The following SLC35F3 variants were observed in gnomAD, a reference collection of about 807,000 sequenced individuals.
The protein encoded by SLC35F3 is solute carrier family 35 member F3.
A neutral mutation model predicts 49.9 loss-of-function variants in SLC35F3; 25 were observed. The observed-to-expected ratio is 0.50, with a 90% CI of 0.37 to 0.70. The LOEUF is 0.70. Ranked by LOEUF, SLC35F3 falls within the 30% of genes least tolerant of loss-of-function variation. The pLI is 0.00. For missense variants in SLC35F3, 525 were observed against 639.8 expected (o/e 0.82, Z 1.94); for synonymous variants, 275 against 265.4 (o/e 1.04, Z -0.35).
intron 2 of SLC35F3, among the ~76,000 whole-genome samples, chr1:234,118,429 C>G (rs560177017): frequency 6.6e-5 from 10 of 152,288 alleles, no homozygotes; most frequent in Middle Eastern, 3.4e-3. Context: ...GGTCAGCAAA[C>G]TTTGGCTGGA....
intron 2 of SLC35F3, among the ~76,000 whole-genome samples, chr1:233,919,486 T>A (rs1571979085): frequency 6.6e-6 from 1 of 152,334 alleles, no homozygotes; most frequent in Non-Finnish European, 1.5e-5. Flanking sequence ...GATTTAGACT[T>A]CTGGTTCATT....
intron 3 of SLC35F3, among the ~76,000 whole-genome samples, chr1:234,232,518 T>TC: frequency 1.5e-4 from 1 of 6,734 alleles, no homozygotes; most frequent in East Asian, 7.8e-4. Flanking sequence ...TCAGGCCTAG[T>TC]CAAAAAAAAA....
intron 2 of SLC35F3, among the ~76,000 whole-genome samples, chr1:234,020,458 A>G (rs987240287): frequency 1.2e-4 from 18 of 152,282 alleles, no homozygotes; most frequent in Non-Finnish European, 4.4e-5. Flanking sequence ...ATATGCAGGA[A>G]ACACACTACC....
intron 2 of SLC35F3, among the ~76,000 whole-genome samples, chr1:234,169,102 T>C (rs572858217): frequency 1.3e-5 from 2 of 152,194 alleles, no homozygotes; most frequent in South Asian, 2.1e-4. Context: ...CAGTGGCTAA[T>C]GCCAGAAGAA....
intron 2 of SLC35F3, among the ~76,000 whole-genome samples, chr1:233,951,356 C>T (rs1235843230): frequency 2.6e-5 from 4 of 151,922 alleles, no homozygotes; most frequent in South Asian, 2.1e-4. Context: ...TAGGCCTTCA[C>T]GTTCACCCAC....
chr1:233,929,422 G>A (rs1348154605), intron 2 of SLC35F3, among the ~76,000 whole-genome samples: 1 of 152,174 alleles, frequency 6.6e-6, no homozygotes, highest in Non-Finnish European at 1.5e-5. Context: ...GAGAAAAGCA[G>A]CCTAATCTGA....
At chr1:233,925,101 T>C (rs1389932469) in intron 2 of SLC35F3, among the ~76,000 whole-genome samples, 4 of 152,228 alleles carry the variant, frequency 2.6e-5, no homozygotes, top group Admixed American at 6.5e-5. Flanking sequence ...GAGAAGAATG[T>C]ATATTCTGTT....
intron 2 of SLC35F3, among the ~76,000 whole-genome samples, chr1:233,975,415 C>T (rs924820300): frequency 4.6e-5 from 7 of 152,248 alleles, no homozygotes; most frequent in East Asian, 3.8e-4. Context: ...GCCATAACTG[C>T]GGAATACCTT....
At chr1:233,995,869 G>T (rs1039742065) in intron 2 of SLC35F3, among the ~76,000 whole-genome samples, 5 of 152,212 alleles carry the variant, frequency 3.3e-5, no homozygotes, top group African/African-American at 1.2e-4. Context: ...GCAGCCTCTT[G>T]GTTAACCCCC....
At chr1:234,091,915 T>C (rs1665049317) in intron 2 of SLC35F3, among the ~76,000 whole-genome samples, 1 of 152,224 alleles carries the variant, frequency 6.6e-6, no homozygotes, top group African/African-American at 2.4e-5. Context: ...TCACGCTACC[T>C]GCTTGGAGGC....
intron 3 of SLC35F3, among the ~76,000 whole-genome samples, chr1:234,288,367 T>G: frequency 6.6e-6 from 1 of 152,228 alleles, no homozygotes; most frequent in East Asian, 1.9e-4. Flanking sequence ...ATATAAATCA[T>G]TATGCATTTA....
chr1:234,048,806 A>C (rs1393790515), intron 2 of SLC35F3, among the ~76,000 whole-genome samples: 1 of 152,216 alleles, frequency 6.6e-6, no homozygotes, highest in African/African-American at 2.4e-5. Context: ...CATTGAGCCA[A>C]AGAGGATTGT....
intron 2 of SLC35F3, among the ~76,000 whole-genome samples, chr1:234,020,618 C>G (rs1663877092): frequency 6.6e-6 from 1 of 151,952 alleles, no homozygotes; most frequent in African/African-American, 2.4e-5. Flanking sequence ...AAGTTTGGTC[C>G]TTCTATTTCA....
chr1:234,114,819 T>C (rs1028511935), intron 2 of SLC35F3, among the ~76,000 whole-genome samples: 8 of 152,010 alleles, frequency 5.3e-5, no homozygotes, highest in Non-Finnish European at 1.0e-4. Context: ...GCTTCCTTTA[T>C]TTCAAAACAG....
At chr1:234,122,759 T>C (rs548319052) in intron 2 of SLC35F3, among the ~76,000 whole-genome samples, 1 of 152,354 alleles carries the variant, frequency 6.6e-6, no homozygotes, top group Non-Finnish European at 1.5e-5. Flanking sequence ...AATGATGGCT[T>C]GCAGCTTCAT....
chr1:234,285,922 C>T (rs1645619454), intron 3 of SLC35F3, among the ~76,000 whole-genome samples: 1 of 152,144 alleles, frequency 6.6e-6, no homozygotes, highest in African/African-American at 2.4e-5. Flanking sequence ...ATGTGTGTCC[C>T]TTATCTCAGT....
chr1:234,178,535 C>A lies in SLC35F3; in HGVS notation c.284-52882C>A, dbSNP rs554496668. ...CTAAGCAGAAAGTTCCCATATAACC[C>A]CTTGCTCCCATACCCGCACAGCCTG... On this transcript the variant is annotated intron_variant, in intron 2 of 7. Coordinates refer to ENST00000366618, the MANE Select transcript of SLC35F3 (RefSeq NM_173508.4). Among the ~76,000 whole-genome samples, 14 of 152,220 alleles carry A rather than the reference C, an allele frequency of 9.2e-5. No individual in the cohort carries two copies. The South Asian group carries it at 2.9e-3, about 32-fold the overall frequency.
intron 2 of SLC35F3, among the ~76,000 whole-genome samples, chr1:234,047,552 C>T (rs1011659304): frequency 2.0e-5 from 3 of 152,218 alleles, no homozygotes; most frequent in African/African-American, 7.2e-5. Flanking sequence ...CATGAACTTA[C>T]TGGCCTTTGG....
chr1:234,323,046 G>T lies in SLC35F3; in HGVS notation c.1276G>T (p.Val426Phe). The change falls in exon 8 of 8, where the codon GTC becomes TTC. Residue 426 changes from valine (V) to phenylalanine (F), a missense_variant. This residue lies in a region of SLC35F3 where 76 missense variants were observed against 95.6 expected (regional missense o/e 0.80). Transcript: ENST00000366618. This position sits in a 1 kb window ranked among gnomAD's most constrained non-coding sequence, Gnocchi z 4.5. ...CACCAGTCAGATCGTCTTCAATGGG[G>T]TCCGGGTCATCGCCATCATCATCAT... The part of the protein sequence containing the change: ...HYTSQIVFNG[V>F]RVIAIIIIGL... 2 of 1,614,052 alleles carry T rather than the reference G, an allele frequency of 1.2e-6. No homozygotes were observed. Among genetic ancestry groups the T allele is most frequent in the Non-Finnish European group, 1.7e-6 (2 of 1,180,044 alleles).
Sources: gnomAD v4.1 joint callset for allele counts (sites outside exome capture counted in the v4.1 genomes callset) on GRCh38, gnomAD v4.1.1 for gene constraint, gnomAD v4.1.1 regional missense constraint, Gnocchi (gnomAD v3.1) non-coding constraint, MANE v1.5 for transcripts, NCBI Gene and HGNC (gene_info 2026-07-23, HGNC 2026-07-21) for gene names.